The following PATJ variants were observed in gnomAD, a reference collection of about 807,000 sequenced individuals.
PATJ encodes PATJ crumbs cell polarity complex component.
Under a neutral mutation model 224.9 loss-of-function variants are expected in PATJ, and 190 were observed. That is an observed-to-expected ratio of 0.84 (90% confidence interval 0.75 to 0.95). The LOEUF (loss-of-function observed/expected upper bound fraction) is 0.95, where lower values mean the gene tolerates loss of function less well. Ranked by LOEUF, PATJ falls within the 40% of genes least tolerant of loss-of-function variation. The pLI is 0.00. For missense variants in PATJ, 2,121 were observed against 2,270.3 expected (o/e 0.93, Z 1.34); for synonymous variants, 769 against 820.3 (o/e 0.94, Z 1.07).
intron 41 of PATJ, among the ~76,000 whole-genome samples, chr1:62,143,142 G>A (rs1236911539): frequency 6.6e-6 from 1 of 152,082 alleles, no homozygotes; most frequent in African/African-American, 2.4e-5. Context: ...GCAAGCAGGA[G>A]TGGAGGGATC....
Position 62,128,458 on chromosome 1 carries a change from T to G in PATJ, c.5166+364T>G, listed in dbSNP as rs1558208684. 3 of 273,102 alleles carry G rather than the reference T, an allele frequency of 1.1e-5. No individual in the cohort carries two copies. In the East Asian group the frequency reaches 2.2e-4, roughly 20 times the overall value. 16.9% of individuals were successfully genotyped at this position (273,102 alleles called of 1,614,324 possible). ...CATTTTTATGATTTCTCCCCCTTGT[T>G]GCCCCTTAATCTTAACTTCAGTAGA... On this transcript the variant is annotated intron_variant, in intron 40 of 43. Transcript: ENST00000642238.
chr1:62,011,867 G>A (rs1646471461), intron 28 of PATJ, among the ~76,000 whole-genome samples: 1 of 152,042 alleles, frequency 6.6e-6, no homozygotes, highest in African/African-American at 2.4e-5. Context: ...ACTTTAAAAA[G>A]CCTAAAAGTC....
chr1:61,812,433 A>AGTGTGTGTGTGTGTGTGTGT (rs71050167), intron 14 of PATJ, among the ~76,000 whole-genome samples: 108 of 85,028 alleles, frequency 1.3e-3, no homozygotes, highest in East Asian at 3.5e-3. Flanking sequence ...AGAGAGAGAG[A>AGTGTGTGTGTGTGTGTGTGT]GTGTGTGTGT....
chr1:61,956,323 G>A (rs569926062), intron 27 of PATJ, among the ~76,000 whole-genome samples: 1 of 152,278 alleles, frequency 6.6e-6, no homozygotes, highest in Admixed American at 6.5e-5. Context: ...GTATTTTCAT[G>A]TTTGACCTAA....
intron 8 of PATJ, among the ~76,000 whole-genome samples, chr1:61,789,555 G>A (rs1412065716): frequency 6.6e-6 from 1 of 151,686 alleles, no homozygotes; most frequent in Non-Finnish European, 1.5e-5. Context: ...GCTCATGCCT[G>A]TAATCCGAGC....
chr1:61,966,855 G>A (rs1027354139), intron 27 of PATJ, among the ~76,000 whole-genome samples: 1 of 152,106 alleles, frequency 6.6e-6, no homozygotes, highest in Admixed American at 6.5e-5. Flanking sequence ...TGATGTTACC[G>A]TGGCATTTGT....
chr1:61,939,365 C>CAA (rs1001299482), intron 27 of PATJ, among the ~76,000 whole-genome samples: 2 of 149,840 alleles, frequency 1.3e-5, no homozygotes, highest in Non-Finnish European at 3.0e-5. Flanking sequence ...AAGACACACA[C>CAA]ACACACACAT....
chr1:61,793,756 C>T (rs1463673140), intron 9 of PATJ, among the ~76,000 whole-genome samples: 1 of 149,362 alleles, frequency 6.7e-6, no homozygotes, highest in African/African-American at 2.5e-5. Context: ...TGTGTCCAGA[C>T]TTTTATTTTC....
At chr1:62,122,993 A>G in intron 38 of PATJ, 28 bp from the exon 39 acceptor site, 1 of 1,489,054 alleles carries the variant, frequency 6.7e-7, no homozygotes, top group Non-Finnish European at 9.2e-7. Context: ...TTTAATATTA[A>G]AAAGTTAATT....
intron 41 of PATJ, among the ~76,000 whole-genome samples, chr1:62,134,046 A>C (rs1666549077): frequency 1.3e-5 from 2 of 148,972 alleles, no homozygotes; most frequent in Admixed American, 6.7e-5. Flanking sequence ...GTGCCCAGCC[A>C]ATTTTGCATT....
intron 27 of PATJ, among the ~76,000 whole-genome samples, chr1:61,936,436 A>G (rs1455433678): frequency 2.0e-5 from 3 of 148,978 alleles, no homozygotes; most frequent in African/African-American, 4.9e-5. Context: ...CAAGACCAAA[A>G]AAAAAAAAAA....
intron 29 of PATJ, among the ~76,000 whole-genome samples, chr1:62,033,764 T>G (rs1649787144): frequency 6.6e-6 from 1 of 152,050 alleles, no homozygotes; most frequent in African/African-American, 2.4e-5. Context: ...CATGGGGCGG[T>G]TTCCGTAATT....
At chr1:62,099,533 T>C (rs79228853) in intron 33 of PATJ, among the ~76,000 whole-genome samples, 1,976 of 152,130 alleles carry the variant, frequency 0.013, 23 homozygotes, top group Non-Finnish European at 0.022. Context: ...CTTAGGATTT[T>C]TTTTGTATGT....
chr1:61,827,503 G>A lies in PATJ; in HGVS notation c.1900G>A (p.Val634Ile). ...AGAAGTGCCACCCCCTTTTACTTTG[G>A]TTTGCTGTCGGAGGTTGTTTGATGA... The part of the protein sequence containing the change: ...LKEVPPPFTL[V>I]CCRRLFDDEA... The change falls in exon 16 of 44, where the codon GTT (valine) becomes ATT (isoleucine). Residue 634 changes from valine to isoleucine, a missense_variant. Coordinates refer to ENST00000642238, the MANE Select transcript of PATJ (RefSeq NM_001350145.3). The A allele has an allele frequency of 6.2e-7, 1 of 1,614,048 alleles. No individual in the cohort carries two copies. The highest frequency in any genetic ancestry group is 8.5e-7 in the Non-Finnish European group (1 of 1,180,026).
At chr1:61,831,630 A>C (rs896405984) in intron 16 of PATJ, among the ~76,000 whole-genome samples, 1 of 152,226 alleles carries the variant, frequency 6.6e-6, no homozygotes, top group African/African-American at 2.4e-5. Flanking sequence ...CTACAATGAG[A>C]TACCATCTCA....
At chr1:61,936,432 C>CAAAAAAAAA (rs11455787) in intron 27 of PATJ, among the ~76,000 whole-genome samples, 1 of 92,714 alleles carries the variant, frequency 1.1e-5, no homozygotes, top group African/African-American at 4.5e-5. Context: ...CTTCCAAGAC[C>CAAAAAAAAA]AAAAAAAAAA....
At chr1:61,968,623 A>T (rs1682505678) in intron 27 of PATJ, among the ~76,000 whole-genome samples, 1 of 151,966 alleles carries the variant, frequency 6.6e-6, no homozygotes, top group African/African-American at 2.4e-5. Flanking sequence ...GGTTTGTTAC[A>T]TGTGTATACG....
chr1:61,990,438 G>A, intron 28 of PATJ, 74 bp downstream of exon 28: 2 of 986,788 alleles, frequency 2.0e-6, no homozygotes, highest in Non-Finnish European at 2.9e-6. Flanking sequence ...AGGAAAATGA[G>A]GTGAAAGGGA....
At chr1:62,076,945 T>C (rs914016974) in intron 31 of PATJ, among the ~76,000 whole-genome samples, 42 of 152,168 alleles carry the variant, frequency 2.8e-4, no homozygotes, top group South Asian at 2.1e-4. Context: ...TGTGTGGCTG[T>C]GTGTGGTCAG....
Sources: gnomAD v4.1 joint callset for allele counts (sites outside exome capture counted in the v4.1 genomes callset) on GRCh38, gnomAD v4.1.1 for gene constraint, MANE v1.5 for transcripts, NCBI Gene and HGNC (gene_info 2026-07-23, HGNC 2026-07-21) for gene names.